Variants in GDPD1 observed in about 807,000 individuals in gnomAD.
The protein encoded by GDPD1 is glycerophosphodiester phosphodiesterase domain containing 1.
A neutral mutation model predicts 45.1 loss-of-function variants in GDPD1; 28 were observed. The observed-to-expected ratio is 0.62, with a 90% CI of 0.46 to 0.85. The LOEUF (loss-of-function observed/expected upper bound fraction) is 0.85. Ranked by LOEUF, GDPD1 falls within the 40% of genes least tolerant of loss-of-function variation. The pLI, the probability that GDPD1 is intolerant of heterozygous loss-of-function variation, is 0.00. For synonymous variants in GDPD1, 139 were observed against 131.4 expected (o/e 1.06, Z -0.40); for missense variants, 256 against 364.8 (o/e 0.70, Z 2.43).
intron 7 of GDPD1, among the ~76,000 whole-genome samples, chr17:59,268,561 A>AGAGC (rs1229894200): frequency 7.4e-6 from 1 of 136,044 alleles, no homozygotes; most frequent in Non-Finnish European, 1.5e-5. Context: ...CCTGGGCGAC[A>AGAGC]GAGCGAGACT....
At chr17:59,247,381 A>C (rs2047220287) in intron 3 of GDPD1, among the ~76,000 whole-genome samples, 2 of 152,124 alleles carry the variant, frequency 1.3e-5, no homozygotes, top group South Asian at 4.1e-4. Flanking sequence ...CTGCCTATTC[A>C]GTCCCCCCTT....
chr17:59,261,248 A>G (rs1247738005), intron 6 of GDPD1, among the ~76,000 whole-genome samples: 7 of 152,030 alleles, frequency 4.6e-5, no homozygotes, highest in Admixed American at 4.6e-4. Context: ...TTACAAGTGT[A>G]AGCCACCACA....
chr17:59,238,268 C>CAA lies in GDPD1; in HGVS notation c.185+3751_185+3752dup, dbSNP rs373144110. 6.6e-3 allele frequency among the ~76,000 whole-genome samples: 527 copies of CAA among 80,016 alleles called. 8 individuals carry two copies. The highest frequency in any genetic ancestry group is 7.9e-3 in the Non-Finnish European group (311 of 39,200). The allele number at this position is 80,016 out of a possible 152,430, so 52.5% of individuals were successfully genotyped here. A position where few individuals can be genotyped will look rare whatever the true frequency, so the allele number is the denominator to read the frequency against. On this transcript the variant is annotated intron_variant, in intron 2 of 9. Transcript: ENST00000284116. ...GGGCAACAAGAGTGAAACTCCATCT[C>CAA]AAAAAAAAAAAAAAAAAAGAAGTAA...
At position 59,274,187 on chromosome 17, in the gene GDPD1, T is replaced by A; in HGVS notation, c.*414T>A. 1 of 976,454 alleles carries A rather than the reference T, an allele frequency of 1.0e-6. No individual in the cohort carries two copies. Among genetic ancestry groups the A allele is most frequent in the East Asian group, 1.2e-4 (1 of 8,638 alleles). 60.5% of individuals were successfully genotyped at this position (976,454 alleles called of 1,614,324 possible). On this transcript the variant is annotated 3_prime_UTR_variant, in exon 10 of 10. Transcript: ENST00000284116. ...CTGTAGATGATGCAGTGTTCTATCA[T>A]AAGTAATTCTGGAATCAAAGACTAT...
intron 4 of GDPD1, among the ~76,000 whole-genome samples, chr17:59,249,707 T>C (rs552359694): frequency 2.6e-5 from 4 of 152,294 alleles, no homozygotes; most frequent in Non-Finnish European, 4.4e-5. Context: ...ATATATAGGC[T>C]CCCTCATTGT....
At chr17:59,236,527 G>A (rs1016636587) in intron 2 of GDPD1, among the ~76,000 whole-genome samples, 86 of 152,074 alleles carry the variant, frequency 5.7e-4, no homozygotes, top group African/African-American at 2.0e-3. Flanking sequence ...ACAGAGTCTT[G>A]CTCTGTCACC....
intron 4 of GDPD1, among the ~76,000 whole-genome samples, chr17:59,252,794 G>A (rs1226844119): frequency 1.3e-5 from 2 of 152,020 alleles, no homozygotes; most frequent in Admixed American, 6.5e-5. Flanking sequence ...GAGGTCAGGA[G>A]CTCGAGACCA....
chr17:59,221,694 T>A (rs1219190765), intron 1 of GDPD1, among the ~76,000 whole-genome samples: 1 of 152,180 alleles, frequency 6.6e-6, no homozygotes. Context: ...TCAACTATGA[T>A]GTATAAAGTG....
intron 3 of GDPD1, among the ~76,000 whole-genome samples, chr17:59,247,118 T>C (rs2047218541): frequency 6.6e-6 from 1 of 152,034 alleles, no homozygotes; most frequent in South Asian, 2.1e-4. Flanking sequence ...ACGTCTGGGT[T>C]TACAGCAAAA....
intron 7 of GDPD1, among the ~76,000 whole-genome samples, chr17:59,269,668 A>G (rs369343555): frequency 6.6e-6 from 1 of 151,904 alleles, no homozygotes; most frequent in African/African-American, 2.4e-5. Context: ...TACTAAAAAT[A>G]CAAAATTAGC....
intron 4 of GDPD1, among the ~76,000 whole-genome samples, chr17:59,254,584 TTTAA>T (rs1220660906): frequency 2.0e-5 from 3 of 152,074 alleles, no homozygotes; most frequent in Admixed American, 1.3e-4. Context: ...ATTTTTAGAG[TTTAA>T]TTATGTAGCC....
intron 8 of GDPD1, among the ~76,000 whole-genome samples, 173 bp from the exon 9 acceptor site, chr17:59,272,612 G>A (rs2047452330): frequency 2.0e-5 from 3 of 152,174 alleles, no homozygotes; most frequent in Admixed American, 6.6e-5. Flanking sequence ...GCAGTGAAAG[G>A]AGATCCAGCA....
intron 7 of GDPD1, among the ~76,000 whole-genome samples, chr17:59,268,097 C>A (rs907381493): frequency 6.6e-6 from 1 of 152,066 alleles, no homozygotes; most frequent in Non-Finnish European, 1.5e-5. Context: ...GATTGCCTGA[C>A]AAATACTAAG....
chr17:59,253,535 T>A (rs1753383809), intron 4 of GDPD1, among the ~76,000 whole-genome samples: 1 of 152,136 alleles, frequency 6.6e-6, no homozygotes, highest in South Asian at 2.1e-4. Flanking sequence ...ACTATAGCAC[T>A]TTTTTTGCCT....
intron 7 of GDPD1, among the ~76,000 whole-genome samples, chr17:59,270,033 A>G (rs2047432763): frequency 6.6e-6 from 1 of 152,158 alleles, no homozygotes; most frequent in Non-Finnish European, 1.5e-5. Flanking sequence ...GTGTGTTTTA[A>G]TACTTCTATA....
In GDPD1 at chr17:59,254,082, C is replaced by T. The variant is rs536610040; in HGVS notation, c.368-3040C>T. ...CTTAAAAAAAAAAAAAAAAAAAGGG[C>T]CGGGTGCGGTGGCTCACGCCTGTAA... On this transcript the variant is annotated intron_variant, in intron 4 of 9. Coordinates refer to ENST00000284116, the MANE Select transcript of GDPD1 (RefSeq NM_182569.4). 2.7e-5 allele frequency among the ~76,000 whole-genome samples: 4 copies of T among 149,432 alleles called. No individual in the cohort carries two copies. In the East Asian group the frequency reaches 7.8e-4, roughly 29 times the overall value.
intron 2 of GDPD1, among the ~76,000 whole-genome samples, chr17:59,236,279 A>C (rs766330090): frequency 1.8e-4 from 27 of 152,318 alleles, no homozygotes; most frequent in Non-Finnish European, 3.4e-4. Flanking sequence ...TTTAAAGGAT[A>C]TCTAATTTAA....
chr17:59,233,526 A>AAAG (rs923929447), intron 1 of GDPD1, among the ~76,000 whole-genome samples: 3 of 150,004 alleles, frequency 2.0e-5, no homozygotes, highest in African/African-American at 7.5e-5. Flanking sequence ...AAAAAAAAAA[A>AAAG]AAAGAAAGAA....
At chr17:59,230,705 A>G (rs190233434) in intron 1 of GDPD1, among the ~76,000 whole-genome samples, 20 of 152,162 alleles carry the variant, frequency 1.3e-4, no homozygotes, top group African/African-American at 4.8e-4. Flanking sequence ...TTAAGAGAAG[A>G]CATGGCATTA....
Sources: allele counts gnomAD v4.1 joint callset (sites outside exome capture counted in the v4.1 genomes callset), GRCh38; gene constraint gnomAD v4.1.1; transcripts MANE v1.5; gene names NCBI Gene and HGNC (gene_info 2026-07-23, HGNC 2026-07-21).